Variants in TRAPPC4 observed in about 807,000 individuals in gnomAD.
The protein encoded by TRAPPC4 is trafficking protein particle complex subunit 4, also known as TRS23 homolog.
TRAPPC4 carries 30 observed loss-of-function variants against 23.5 expected under a neutral mutation model. The ratio of observed to expected loss-of-function variants is 1.28; its 90% CI spans 0.96 to 1.73. The LOEUF (loss-of-function observed/expected upper bound fraction) is 1.73, where lower values mean the gene tolerates loss of function less well. Ranked by LOEUF, TRAPPC4 falls within the 40% of genes most tolerant of loss-of-function variation. The probability of loss-of-function intolerance (pLI) is 0.00; values close to 1 mark genes in which losing one functional copy is unlikely to be tolerated. For synonymous variants in TRAPPC4, 129 were observed against 105.3 expected (o/e 1.23, Z -1.38); for missense variants, 252 against 268.9 (o/e 0.94, Z 0.44).
rs972494441 is a variant in TRAPPC4 at position 119,023,607 on chromosome 11, A to C, written c.*208A>C. The C allele has an allele frequency of 6.7e-6, 3 of 444,634 alleles. No homozygotes were observed. In the Admixed American group the frequency reaches 1.1e-4, roughly 16 times the overall value. 27.5% of individuals were successfully genotyped at this position (444,634 alleles called of 1,614,324 possible). On this transcript the variant is annotated 3_prime_UTR_variant, in exon 5 of 5. Transcript: ENST00000533632. The stretch of plus-strand genomic sequence containing the variant: ...GGTCTTACTTTCCAACTCTGTACAG[A>C]TTTATTTATGGAGGAGCTAGGTCCA...
intron 4 of TRAPPC4, 38 bp downstream of exon 4, chr11:119,021,924 C>T (rs781821534): frequency 5.0e-6 from 8 of 1,609,726 alleles, no homozygotes; most frequent in Non-Finnish European, 8.5e-7. Flanking sequence ...TTTAAAGCGT[C>T]CTTGCCCCTC....
chr11:119,020,264 C>T lies in TRAPPC4; in HGVS notation c.454+11C>T, dbSNP rs782035950. The T allele has an allele frequency of 3.1e-6, 5 of 1,599,970 alleles. No homozygotes were observed. In the South Asian group the frequency reaches 5.5e-5, roughly 18 times the overall value. On this transcript the variant is annotated intron_variant, in intron 3 of 4. Coordinates refer to ENST00000533632, the MANE Select transcript of TRAPPC4 (RefSeq NM_016146.6). ...ACCAGACACTGACAGGTATGCATCT[C>T]CACGGAGGCCAGAGGAGTGTGATGG... is the stretch of plus-strand genomic sequence containing the variant.
Position 119,018,897 on chromosome 11 carries a change from T to A in TRAPPC4, c.102T>A (p.Tyr34Ter). 6.2e-7 allele frequency: 1 copy of A among 1,614,124 alleles called. No individual in the cohort carries two copies. Among genetic ancestry groups the A allele is most frequent in the Non-Finnish European group, 8.5e-7 (1 of 1,180,034 alleles). The change falls in exon 1 of 5, where the codon TAT (tyrosine) becomes TAA (stop). Residue 34 changes from tyrosine (Y) to a stop codon, truncating the protein, a stop_gained. Transcript: ENST00000533632. LOFTEE classifies it high-confidence loss of function. ...PRAEAEKTFS[Y>*]PLDLLLKLHD... ...CTGAGGCTGAGAAAACTTTCAGTTA[T>A]CCGCTGGATCTGCTGCTCAAGCTAC...
Position 119,018,882 on chromosome 11 carries a change from G to A in TRAPPC4, c.87G>A (p.Glu29=), listed in dbSNP as rs781983330. Residue 29 remains glutamate (E), a synonymous_variant, in exon 1 of 5, where the codon GAG becomes GAA. Coordinates refer to ENST00000533632, the MANE Select transcript of TRAPPC4 (RefSeq NM_016146.6). ...GCTACGCGCCACGGGCTGAGGCTGA[G>A]AAAACTTTCAGTTATCCGCTGGATC... ...LDSYAPRAEA[E]KTFSYPLDLL... 1 of 1,614,222 alleles carries A rather than the reference G, an allele frequency of 6.2e-7. No individual in the cohort carries two copies. The highest frequency in any genetic ancestry group is 8.5e-7 in the Non-Finnish European group (1 of 1,180,052).
chr11:119,018,891 C>G lies in TRAPPC4; in HGVS notation c.96C>G (p.Phe32Leu), dbSNP rs782708011. The stretch of plus-strand genomic sequence containing the variant: ...CACGGGCTGAGGCTGAGAAAACTTT[C>G]AGTTATCCGCTGGATCTGCTGCTCA... ...YAPRAEAEKT[F>L]SYPLDLLLKL... The change falls in exon 1 of 5, where the codon TTC (phenylalanine) becomes TTG (leucine). Residue 32 changes from phenylalanine (F) to leucine (L), a missense_variant. Coordinates refer to ENST00000533632, the MANE Select transcript of TRAPPC4 (RefSeq NM_016146.6). 2.5e-6 allele frequency: 4 copies of G among 1,614,146 alleles called. No homozygotes were observed. The highest frequency in any genetic ancestry group is 2.5e-6 in the Non-Finnish European group (3 of 1,180,022).
chr11:119,019,155 T>C lies in TRAPPC4; in HGVS notation c.188T>C (p.Val63Ala). Reference protein sequence around the residue: ...QRDGIRVGHAVLAINGMDVNG... With the variant: ...QRDGIRVGHAALAINGMDVNG... The stretch of plus-strand genomic sequence containing the variant: ...TTCACCTCTGCAGTGGGTCATGCAG[T>C]GCTGGCCATCAATGGCATGGACGTG... The change falls in exon 2 of 5, where the codon GTG becomes GCG. Residue 63 changes from valine to alanine, a missense_variant. Val to Ala is a moderately conservative substitution (Grantham distance 64). This residue lies in a region of TRAPPC4 where 222 missense variants were observed against 217.8 expected (regional missense o/e 1.02). Transcript: ENST00000533632. 1 of 1,614,148 alleles carries C rather than the reference T, an allele frequency of 6.2e-7. No homozygotes were observed. Among genetic ancestry groups the C allele is most frequent in the Non-Finnish European group, 8.5e-7 (1 of 1,179,990 alleles).
intron 2 of TRAPPC4, chr11:119,019,531 T>G (rs1943278339): frequency 1.8e-6 from 1 of 542,156 alleles, no homozygotes; most frequent in African/African-American, 1.9e-5. Context: ...AGCCTCTGCC[T>G]CCCAGGTTCA....
At chr11:119,019,782 C>T (rs1943292228) in intron 2 of TRAPPC4, 1 of 203,102 alleles carries the variant, frequency 4.9e-6, no homozygotes. Flanking sequence ...TTCTCTGAGC[C>T]TTAGTTTCTT....
At chr11:119,022,211 C>T (rs530677036) in intron 4 of TRAPPC4, among the ~76,000 whole-genome samples, 69 of 152,224 alleles carry the variant, frequency 4.5e-4, no homozygotes, top group African/African-American at 1.6e-3. Flanking sequence ...CTCAAACTCC[C>T]GGCCTCAGGT....
chr11:119,024,010 T>C lies in TRAPPC4; in HGVS notation c.*611T>C, dbSNP rs563778512. 2 of 152,414 alleles carry C rather than the reference T, an allele frequency of 1.3e-5. No homozygotes were observed. Among genetic ancestry groups the C allele is most frequent in the Admixed American group, 1.3e-4 (2 of 15,346 alleles). The allele number at this position is 152,414 out of a possible 1,614,324, so 9.4% of individuals were successfully genotyped here. A position where few individuals can be genotyped will look rare whatever the true frequency, so the allele number is the denominator to read the frequency against. On this transcript the variant is annotated 3_prime_UTR_variant, in exon 5 of 5. Coordinates refer to ENST00000533632, the MANE Select transcript of TRAPPC4 (RefSeq NM_016146.6). ...GGTACATTCTGTTACAGATAAGAGA[T>C]TTAGCAGACTTTCTGCCTCAAAGTT...
rs190048792 is a variant in TRAPPC4 at position 119,023,313 on chromosome 11, C to G, written c.582-8C>G. 6.2e-7 allele frequency: 1 copy of G among 1,613,804 alleles called. No individual in the cohort carries two copies. The highest frequency in any genetic ancestry group is 1.3e-5 in the African/African-American group (1 of 74,898). On this transcript the variant is annotated splice_polypyrimidine_tract_variant and splice_region_variant and intron_variant, in intron 4 of 4. Coordinates refer to ENST00000533632, the MANE Select transcript of TRAPPC4 (RefSeq NM_016146.6). ...ACACTTTTTTTCCTCACCCTGGGCC[C>G]GGCTTAGGTGTGAGCTCTTTGACCA... is the stretch of plus-strand genomic sequence containing the variant.
chr11:119,019,915 A>G (rs995719053), intron 2 of TRAPPC4: 6 of 450,388 alleles, frequency 1.3e-5, no homozygotes, highest in Admixed American at 3.7e-5. Flanking sequence ...ATATTCCTAG[A>G]GTATTCATTT....
Position 119,023,540 on chromosome 11 carries a change from C to G in TRAPPC4, c.*141C>G, listed in dbSNP as rs1402013422. 1.2e-5 allele frequency: 9 copies of G among 736,174 alleles called. No homozygotes were observed. The highest frequency in any genetic ancestry group is 2.1e-5 in the Non-Finnish European group (9 of 422,144). 45.6% of individuals were successfully genotyped at this position (736,174 alleles called of 1,614,324 possible). On this transcript the variant is annotated 3_prime_UTR_variant, in exon 5 of 5. Transcript: ENST00000533632. Reference sequence around the variant, plus strand: ...CTGACCCTGATGACTTGTACTGATTCCTGAGCCTTAACACTGTGCTCTTTC... The same window carrying G: ...CTGACCCTGATGACTTGTACTGATTGCTGAGCCTTAACACTGTGCTCTTTC...
intron 3 of TRAPPC4, chr11:119,021,463 C>T: frequency 3.7e-6 from 1 of 266,904 alleles, no homozygotes; most frequent in Non-Finnish European, 7.2e-6. Context: ...AACTGCCTGA[C>T]TTTGTCCCCT....
rs1943465914 is a variant in TRAPPC4, at chr11:119,023,760, A to G, written c.*361A>G. ...AATTCTGGGAAGATGATTATGTGCT[A>G]GTAAAAAACATAACAAATATGTGTT... is the stretch of plus-strand genomic sequence containing the variant. On this transcript the variant is annotated 3_prime_UTR_variant, in exon 5 of 5. Transcript: ENST00000533632. 1.8e-5 allele frequency: 3 copies of G among 170,822 alleles called. No homozygotes were observed. The highest frequency in any genetic ancestry group is 1.2e-4 in the Admixed American group (2 of 16,864). 10.6% of individuals were successfully genotyped at this position (170,822 alleles called of 1,614,324 possible).
chr11:119,019,849 T>G, intron 2 of TRAPPC4: 2 of 265,632 alleles, frequency 7.5e-6, no homozygotes, highest in Non-Finnish European at 1.4e-5. Flanking sequence ...CTGCTCTCAA[T>G]TGTGATATCA....
chr11:119,020,354 A>C (rs1172541959), intron 3 of TRAPPC4, 101 bp downstream of exon 3: 8 of 923,082 alleles, frequency 8.7e-6, no homozygotes, highest in Non-Finnish European at 1.2e-5. Flanking sequence ...TGTGGTGGAG[A>C]AGGTGGGAGG....
chr11:119,021,562 C>A, intron 3 of TRAPPC4, 198 bp from the exon 4 acceptor site: 1 of 521,952 alleles, frequency 1.9e-6, no homozygotes, highest in Non-Finnish European at 3.3e-6. Flanking sequence ...AGGTGGGTGA[C>A]ATAACAAAGT....
chr11:119,022,962 T>G (rs112166904), intron 4 of TRAPPC4: 3,873 of 85,368 alleles, frequency 0.045, 191 homozygotes, highest in African/African-American at 0.15. Flanking sequence ...TTGATGTTTT[T>G]TTTTTTTTTT....
Sources: allele counts gnomAD v4.1 joint callset (sites outside exome capture counted in the v4.1 genomes callset), GRCh38; gene constraint gnomAD v4.1.1; regional missense constraint gnomAD v4.1.1; transcripts MANE v1.5; gene names NCBI Gene and HGNC (gene_info 2026-07-23, HGNC 2026-07-21).